The following FRMPD3 variants were observed in gnomAD, a reference collection of about 807,000 sequenced individuals.
FRMPD3 encodes the protein FERM and PDZ domain-containing protein 3.
In FRMPD3, 42 loss-of-function variants were observed where a neutral mutation model predicts 97.9. The ratio of observed to expected loss-of-function variants is 0.43; its 90% CI spans 0.34 to 0.55. FRMPD3 has a LOEUF of 0.55. Among genes scored for constraint, FRMPD3 ranks in the 20% least tolerant of loss-of-function variants. FRMPD3 has a pLI of 0.03. For missense variants in FRMPD3, 1,303 were observed against 1,457.7 expected, an observed-to-expected ratio of 0.89 and a Z score of 1.73; for synonymous variants, 577 against 581.1, an observed-to-expected ratio of 0.99 and a Z score of 0.10.
intron 13 of FRMPD3, among the ~76,000 whole-genome samples, chrX:107,593,450 T>C (rs1263653044): frequency 8.9e-6 from 1 of 112,296 alleles, no homozygotes; most frequent in Non-Finnish European, 1.9e-5. Context: ...TTTGGGTTCC[T>C]GGTCATGAAA....
chrX:107,456,274 A>G (rs1398102349), intron 1 of FRMPD3, among the ~76,000 whole-genome samples: 1 of 110,292 alleles, frequency 9.1e-6, no homozygotes, highest in Non-Finnish European at 1.9e-5. Flanking sequence ...GGCTCAAGCA[A>G]TCCTCCCACT....
chrX:107,530,911 C>G (rs768646375), intron 3 of FRMPD3, among the ~76,000 whole-genome samples: 1 of 110,184 alleles, frequency 9.1e-6, no homozygotes, highest in South Asian at 4.0e-4. Context: ...AACTCCCCAA[C>G]TCCAGAAAAA....
chrX:107,601,495 C>T lies in FRMPD3; in HGVS notation c.3456C>T (p.His1152=), dbSNP rs915775217. Reference sequence around the variant, plus strand: ...GCCCCAGCTGCCAGCCTCATGGCCACAGCCCCAGCAGCCAGTCTCGAGGTC... The same window carrying T: ...GCCCCAGCTGCCAGCCTCATGGCCATAGCCCCAGCAGCCAGTCTCGAGGTC... ...SHSPSCQPHG[H]SPSSQSRGQS... is the part of the protein sequence containing the mutation. Residue 1152 remains histidine (H), a synonymous_variant, in exon 15 of 15, where the codon CAC becomes CAT. Transcript: ENST00000683843. The T allele has an allele frequency of 4.3e-6, 5 of 1,168,513 alleles. No individual in the cohort carries two copies. The highest frequency in any genetic ancestry group is 4.6e-6 in the Non-Finnish European group (4 of 875,009).
chrX:107,513,937 G>A (rs1216205094), intron 1 of FRMPD3, among the ~76,000 whole-genome samples: 2 of 111,942 alleles, frequency 1.8e-5, no homozygotes, highest in African/African-American at 6.5e-5. Flanking sequence ...ACTACAAATC[G>A]TGATGAGTCT....
chrX:107,470,958 GC>G (rs1460582424), intron 1 of FRMPD3, among the ~76,000 whole-genome samples: 1 of 112,158 alleles, frequency 8.9e-6, no homozygotes, highest in East Asian at 2.8e-4. Context: ...TAAGATCCAA[GC>G]TCAAGTTTGT....
intron 1 of FRMPD3, among the ~76,000 whole-genome samples, chrX:107,477,261 G>A (rs1337284765): frequency 1.8e-5 from 2 of 111,080 alleles, no homozygotes; most frequent in Non-Finnish European, 1.9e-5. Context: ...CCAGGACACA[G>A]GAAGAGCCAG....
At chrX:107,452,043 A>G (rs776276673) in intron 1 of FRMPD3, among the ~76,000 whole-genome samples, 2 of 112,061 alleles carry the variant, frequency 1.8e-5, no homozygotes, top group African/African-American at 6.5e-5. Flanking sequence ...TGCCAGGCCA[A>G]GGTGTTAATA....
chrX:107,602,539 C>T lies in FRMPD3; in HGVS notation c.4500C>T (p.Tyr1500=), dbSNP rs1227064686. The T allele has an allele frequency of 8.3e-7, 1 of 1,211,671 alleles. No individual in the cohort carries two copies. Among genetic ancestry groups the T allele is most frequent in the Non-Finnish European group, 1.1e-6 (1 of 895,554 alleles). ...KCCSIRYCFY[Y]RKCDMADDAS... ...GCTCCATCCGCTACTGCTTCTACTACCGCAAGTGTGACATGGCAGATGATG... is the reference window on the plus strand; with the variant it reads ...GCTCCATCCGCTACTGCTTCTACTATCGCAAGTGTGACATGGCAGATGATG... Residue 1500 remains tyrosine (Y), a synonymous_variant, in exon 15 of 15, where the codon TAC becomes TAT. Transcript: ENST00000683843.
At chrX:107,587,625 G>A (rs1296383010) in intron 13 of FRMPD3, among the ~76,000 whole-genome samples, 1 of 111,683 alleles carries the variant, frequency 9.0e-6, no homozygotes, top group East Asian at 2.8e-4. Flanking sequence ...TCTTTCAGGA[G>A]CTCTTATAAG....
At chrX:107,587,982 C>T (rs1923734490) in intron 13 of FRMPD3, among the ~76,000 whole-genome samples, 1 of 110,688 alleles carries the variant, frequency 9.0e-6, no homozygotes, top group South Asian at 3.9e-4. Context: ...ACCATGTTGG[C>T]TAGGCTGGTC....
intron 11 of FRMPD3, 70 bp from the exon 12 acceptor site, chrX:107,564,817 C>T: frequency 9.2e-7 from 1 of 1,086,574 alleles, no homozygotes; most frequent in Non-Finnish European, 1.3e-6. Context: ...CTATTTCCTC[C>T]TCCTGCCTCC....
chrX:107,549,997 T>A (rs746779046), intron 5 of FRMPD3, 52 bp from the exon 6 acceptor site: 3 of 817,001 alleles, frequency 3.7e-6, no homozygotes, highest in African/African-American at 4.0e-5. Flanking sequence ...TCTGGCTTCC[T>A]ACTTCCTTCT....
intron 5 of FRMPD3, 33 bp downstream of exon 5, chrX:107,545,874 C>A: frequency 1.9e-6 from 2 of 1,078,292 alleles, no homozygotes; most frequent in Non-Finnish European, 2.6e-6. Context: ...CTCCTCAGCC[C>A]CTGGCCATAA....
At chrX:107,552,700 T>C (rs1921915313) in intron 6 of FRMPD3, 95 bp from the exon 7 acceptor site, 1 of 975,669 alleles carries the variant, frequency 1.0e-6, no homozygotes, top group East Asian at 3.1e-5. Context: ...CTATATTTCT[T>C]TTCTTGGTGT....
intron 13 of FRMPD3, among the ~76,000 whole-genome samples, chrX:107,576,989 C>T (rs1293765673): frequency 2.8e-5 from 3 of 109,044 alleles, no homozygotes; most frequent in Non-Finnish European, 3.8e-5. Context: ...GTTTGCTCTC[C>T]TCACATGCTG....
At chrX:107,524,036 A>G (rs1922601077) in intron 1 of FRMPD3, among the ~76,000 whole-genome samples, 1 of 112,628 alleles carries the variant, frequency 8.9e-6, no homozygotes, top group East Asian at 2.8e-4. Flanking sequence ...CACAGTCTGC[A>G]GAGCCTTCCC....
chrX:107,590,582 A>G (rs1052902185), intron 13 of FRMPD3, among the ~76,000 whole-genome samples: 2 of 112,770 alleles, frequency 1.8e-5, no homozygotes, highest in Non-Finnish European at 3.7e-5. Context: ...TTGTGCATCT[A>G]TTGAGATGAT....
rs144809214 is a variant in FRMPD3, at chrX:107,498,213, G to C, written c.-7-28369G>C. Among the ~76,000 whole-genome samples, 44 of 112,504 alleles carry C rather than the reference G, an allele frequency of 3.9e-4. 1 individual carries two copies. In the East Asian group the frequency reaches 5.9e-3, roughly 15 times the overall value. On this transcript the variant is annotated intron_variant, in intron 1 of 14. Coordinates refer to ENST00000683843, the MANE Select transcript of FRMPD3 (RefSeq NM_001388459.1). ...CTCAAGTTGTTTTTGCACGCAGGCA[G>C]GCTGCTCCTGGCAAAGGAATTCAGA...
chrX:107,494,921 A>G (rs1364386804), intron 1 of FRMPD3, among the ~76,000 whole-genome samples: 2 of 111,908 alleles, frequency 1.8e-5, no homozygotes, highest in African/African-American at 6.5e-5. Context: ...GAGAGACAAA[A>G]AGGAAGGACT....
Sources: allele counts gnomAD v4.1 joint callset (sites outside exome capture counted in the v4.1 genomes callset), GRCh38; gene constraint gnomAD v4.1.1; transcripts MANE v1.5; gene names NCBI Gene and HGNC (gene_info 2026-07-23, HGNC 2026-07-21).